Variants in OSBPL9 observed in about 807,000 individuals in gnomAD.
OSBPL9 encodes oxysterol-binding protein-related protein 9.
In OSBPL9, 40 loss-of-function variants were observed where a neutral mutation model predicts 106.6. That is an observed-to-expected ratio of 0.38 (90% confidence interval 0.29 to 0.49). The LOEUF is 0.49. Ranked by LOEUF, OSBPL9 falls within the 20% of genes least tolerant of loss-of-function variation. The pLI is 0.97. For synonymous variants in OSBPL9, 269 were observed against 295.4 expected, an observed-to-expected ratio of 0.91 and a Z score of 0.92; for missense variants, 609 against 887.2, an observed-to-expected ratio of 0.69 and a Z score of 3.98.
intron 3 of OSBPL9, among the ~76,000 whole-genome samples, chr1:51,710,196 C>T (rs1231823048): frequency 1.3e-5 from 2 of 152,172 alleles, no homozygotes; most frequent in Non-Finnish European, 2.9e-5. Flanking sequence ...GGCGAGGCAA[C>T]TCCAGCTCAG....
intron 1 of OSBPL9, among the ~76,000 whole-genome samples, chr1:51,625,770 C>T (rs971420249): frequency 2.6e-5 from 4 of 152,116 alleles, no homozygotes; most frequent in African/African-American, 4.8e-5. Flanking sequence ...GCAATCCACC[C>T]TCCTCGGCCT....
intron 11 of OSBPL9, among the ~76,000 whole-genome samples, chr1:51,762,919 T>G (rs1228445652): frequency 6.6e-6 from 1 of 152,220 alleles, no homozygotes; most frequent in Admixed American, 6.5e-5. Context: ...TAGAAAACAT[T>G]TATCAGTCTT....
At chr1:51,581,770 C>G (rs1445433035) in intron 1 of OSBPL9, among the ~76,000 whole-genome samples, 1 of 152,202 alleles carries the variant, frequency 6.6e-6, no homozygotes, top group African/African-American at 2.4e-5. Context: ...ATCCTCCCAC[C>G]TCAGCTTCCT....
intron 1 of OSBPL9, among the ~76,000 whole-genome samples, chr1:51,584,957 A>T (rs1177821816): frequency 2.0e-5 from 3 of 152,148 alleles, no homozygotes; most frequent in Non-Finnish European, 4.4e-5. Flanking sequence ...GGAGGCTTTC[A>T]GTTCTGCCAT....
chr1:51,555,267 G>A, the OSBPL9 span, among the ~76,000 whole-genome samples: 37 of 152,064 alleles, frequency 2.4e-4, no homozygotes, highest in African/African-American at 7.0e-4. Context: ...CGAGGCGGGC[G>A]GATCCTGAGG....
intron 2 of OSBPL9, among the ~76,000 whole-genome samples, chr1:51,599,313 G>C (rs898099355): frequency 6.6e-6 from 1 of 152,122 alleles, no homozygotes; most frequent in African/African-American, 2.4e-5. Context: ...TTTAAATTCT[G>C]GTAAGCTGGA....
At chr1:51,687,575 G>T (rs1654076555) in intron 3 of OSBPL9, among the ~76,000 whole-genome samples, 2 of 152,260 alleles carry the variant, frequency 1.3e-5, no homozygotes, top group Admixed American at 6.5e-5. Context: ...GTGGAAAGAA[G>T]GATCACTTAG....
At chr1:51,597,674 G>C (rs1169299425) in intron 1 of OSBPL9, among the ~76,000 whole-genome samples, 1 of 152,112 alleles carries the variant, frequency 6.6e-6, no homozygotes, top group East Asian at 1.9e-4. Flanking sequence ...CAGAACTGAC[G>C]AAGAGAACCC....
intron 2 of OSBPL9, among the ~76,000 whole-genome samples, chr1:51,668,419 C>T (rs767618881): frequency 2.0e-5 from 3 of 152,046 alleles, no homozygotes; most frequent in Admixed American, 6.6e-5. Context: ...GTCAGAAGTT[C>T]GAGACCAGCC....
chr1:51,784,402 C>T, intron 19 of OSBPL9, 40 bp from the exon 20 acceptor site: 1 of 1,613,358 alleles, frequency 6.2e-7, no homozygotes, highest in East Asian at 2.2e-5. Context: ...CCCTCTTCCT[C>T]TTAACTGTCA....
At chr1:51,721,716 C>T (rs1357202630) in intron 4 of OSBPL9, among the ~76,000 whole-genome samples, 4 of 152,124 alleles carry the variant, frequency 2.6e-5, no homozygotes, top group Non-Finnish European at 5.9e-5. Flanking sequence ...ATTGTTTTCC[C>T]TGGCCTTGTT....
intron 3 of OSBPL9, among the ~76,000 whole-genome samples, chr1:51,684,784 T>C (rs1416310404): frequency 6.6e-6 from 1 of 152,180 alleles, no homozygotes; most frequent in Non-Finnish European, 1.5e-5. Context: ...TCTGCCCACC[T>C]CGGCCTCCCA....
At chr1:51,719,103 G>A (rs992613231) in intron 4 of OSBPL9, among the ~76,000 whole-genome samples, 1 of 151,936 alleles carries the variant, frequency 6.6e-6, no homozygotes, top group Non-Finnish European at 1.5e-5. Context: ...CCAGTTAGAT[G>A]TCTCCCTGGA....
At chr1:51,549,575 T>C in the OSBPL9 span, among the ~76,000 whole-genome samples, 1 of 152,232 alleles carries the variant, frequency 6.6e-6, no homozygotes, top group East Asian at 1.9e-4. Context: ...CCTACGCCTG[T>C]AATCCCAGCA....
chr1:51,764,831 C>T (rs1224637576), intron 11 of OSBPL9, among the ~76,000 whole-genome samples: 2 of 152,160 alleles, frequency 1.3e-5, no homozygotes, highest in Admixed American at 6.5e-5. Flanking sequence ...GCAGTCCTCC[C>T]AACTGGTCCT....
intron 22 of OSBPL9, 22 bp from the exon 23 acceptor site, chr1:51,787,331 T>C (rs758923916): frequency 3.1e-6 from 5 of 1,608,804 alleles, no homozygotes; most frequent in Non-Finnish European, 4.3e-6. Flanking sequence ...CATTGGCAGC[T>C]CCTCTTACCT....
chr1:51,529,372 G>A, the OSBPL9 span, among the ~76,000 whole-genome samples: 5 of 151,924 alleles, frequency 3.3e-5, no homozygotes, highest in Admixed American at 6.6e-5. Flanking sequence ...CGAGTAGCTG[G>A]GACTACAGAT....
At position 51,602,648 on chromosome 1, in the gene OSBPL9, A is replaced by G. The variant is rs1645330248; in HGVS notation, c.-353+4455A>G. Among the ~76,000 whole-genome samples, 5 of 151,518 alleles carry G rather than the reference A, an allele frequency of 3.3e-5. No homozygotes were observed. The South Asian group carries it at 1.0e-3, about 32-fold the overall frequency. The stretch of plus-strand genomic sequence containing the variant: ...GTGGGGCGGGGAGATGTCTCACTAT[A>G]TTGCCCTAGTTGGTCTCAAACTCCT... On this transcript the variant is annotated intron_variant, in intron 2 of 25. Transcript: ENST00000371714.
intron 4 of OSBPL9, chr1:51,745,188 G>A (rs1436381788): frequency 1.1e-5 from 2 of 187,752 alleles, no homozygotes; most frequent in African/African-American, 2.4e-5. Context: ...AACCTAGGTG[G>A]GTTTTGTTTA....
Sources: allele counts gnomAD v4.1 joint callset (sites outside exome capture counted in the v4.1 genomes callset), GRCh38; gene constraint gnomAD v4.1.1; transcripts MANE v1.5; gene names NCBI Gene and HGNC (gene_info 2026-07-23, HGNC 2026-07-21).